The following PRKG1 variants were observed in gnomAD, a reference collection of about 807,000 sequenced individuals.
PRKG1 encodes the protein protein kinase cGMP-dependent 1.
Under a neutral mutation model 88.1 loss-of-function variants are expected in PRKG1, and 35 were observed. The observed-to-expected ratio is 0.40, with a 90% CI of 0.30 to 0.53. The LOEUF is 0.53. Among genes scored for constraint, PRKG1 ranks in the 20% least tolerant of loss-of-function variants. PRKG1 has a pLI of 0.59. For synonymous variants in PRKG1, 303 were observed against 292.5 expected (o/e 1.04, Z -0.37); for missense variants, 540 against 839.8 (o/e 0.64, Z 4.41).
At chr10:51,775,839 C>A (rs2132553501) in intron 3 of PRKG1, among the ~76,000 whole-genome samples, 1 of 152,262 alleles carries the variant, frequency 6.6e-6, no homozygotes, top group South Asian at 2.1e-4. Flanking sequence ...CAGCCTAGGC[C>A]TCCCAAAGTG....
chr10:51,388,943 G>A (rs1564472435), intron 2 of PRKG1, among the ~76,000 whole-genome samples: 2 of 152,186 alleles, frequency 1.3e-5, no homozygotes, highest in Admixed American at 1.3e-4. Context: ...GATCTAATGA[G>A]GGTCCTTTGA....
chr10:51,302,744 C>T (rs1214328757), intron 2 of PRKG1: 4 of 152,110 alleles, frequency 2.6e-5, no homozygotes, highest in Non-Finnish European at 5.9e-5. Flanking sequence ...CTATCCAGCA[C>T]TCACAATGGA....
rs183306033 is a variant in PRKG1, at chr10:51,757,304, A to G, written c.593-47281A>G. ...TTTTTAGTAGAGAGAGGGTTTCACA[A>G]TGTTGGCCAGGCTAGTCTCGAACTC... On this transcript the variant is annotated intron_variant, in intron 3 of 17. Transcript: ENST00000373980. Among the ~76,000 whole-genome samples the G allele has an allele frequency of 2.9e-3, 444 of 152,066 alleles. 3 individuals carry two copies. Among genetic ancestry groups the G allele is most frequent in the African/African-American group, 0.01 (417 of 41,482 alleles).
At chr10:51,519,628 A>G (rs1841686482) in intron 3 of PRKG1, among the ~76,000 whole-genome samples, 1 of 152,188 alleles carries the variant, frequency 6.6e-6, no homozygotes, top group South Asian at 2.1e-4. Context: ...AATGCTGCTC[A>G]TTCTCTTATT....
chr10:51,970,678 A>AATCATCTGATATATATATCAGATAT (rs1338139296), intron 5 of PRKG1, among the ~76,000 whole-genome samples: 18 of 143,244 alleles, frequency 1.3e-4, no homozygotes, highest in Admixed American at 5.8e-4. Flanking sequence ...ATACATGATT[A>AATCATCTGATATATATATCAGATAT]ATCATCTGAT....
chr10:51,555,316 A>AT (rs1220180386), intron 3 of PRKG1, among the ~76,000 whole-genome samples: 4 of 151,916 alleles, frequency 2.6e-5, no homozygotes, highest in African/African-American at 4.8e-5. Flanking sequence ...TTTTTAAAAC[A>AT]TTTTTTGGCA....
chr10:51,408,489 C>T (rs1448192836), intron 2 of PRKG1, among the ~76,000 whole-genome samples: 1 of 152,146 alleles, frequency 6.6e-6, no homozygotes, highest in Non-Finnish European at 1.5e-5. Flanking sequence ...ACAGGCAAAC[C>T]CATGCCTGGA....
chr10:51,341,771 GA>G (rs1364749353), intron 2 of PRKG1, among the ~76,000 whole-genome samples: 6 of 152,154 alleles, frequency 3.9e-5, no homozygotes, highest in African/African-American at 1.4e-4. Context: ...AATTTATAAA[GA>G]AAAGAGGTTT....
intron 7 of PRKG1, among the ~76,000 whole-genome samples, chr10:52,068,510 C>G (rs1418387171): frequency 6.6e-6 from 1 of 152,100 alleles, no homozygotes; most frequent in East Asian, 1.9e-4. Flanking sequence ...AGAAGAATTT[C>G]TTTTATCTGA....
intron 7 of PRKG1, among the ~76,000 whole-genome samples, chr10:52,072,514 A>G (rs1281395126): frequency 1.3e-5 from 2 of 152,116 alleles, no homozygotes; most frequent in Admixed American, 6.5e-5. Flanking sequence ...ACTTTTTCCT[A>G]CGGGGCAAGT....
At chr10:51,142,045 T>C (rs2131956600) in intron 1 of PRKG1, among the ~76,000 whole-genome samples, 1 of 152,258 alleles carries the variant, frequency 6.6e-6, no homozygotes, top group Admixed American at 6.5e-5. Flanking sequence ...ATAACAAATT[T>C]TGTGTACTTC....
chr10:51,799,668 A>C (rs1839115743), intron 3 of PRKG1, among the ~76,000 whole-genome samples: 1 of 151,996 alleles, frequency 6.6e-6, no homozygotes, highest in Non-Finnish European at 1.5e-5. Flanking sequence ...CTGTTTACTA[A>C]ATAGTATAAA....
At chr10:52,053,513 C>T (rs1016574753) in intron 5 of PRKG1, among the ~76,000 whole-genome samples, 14 of 152,092 alleles carry the variant, frequency 9.2e-5, no homozygotes, top group African/African-American at 3.1e-4. Flanking sequence ...TGTTTTATTT[C>T]CCAAAAATAT....
intron 4 of PRKG1, among the ~76,000 whole-genome samples, chr10:51,874,979 T>C (rs1279747878): frequency 6.6e-6 from 1 of 152,166 alleles, no homozygotes; most frequent in South Asian, 2.1e-4. Flanking sequence ...GAATCTCTGC[T>C]CTCATAAGCC....
At chr10:51,152,913 T>C (rs1846110087) in intron 1 of PRKG1, among the ~76,000 whole-genome samples, 1 of 151,602 alleles carries the variant, frequency 6.6e-6, no homozygotes, top group East Asian at 1.9e-4. Flanking sequence ...ATTTTGTTGG[T>C]TGGTTGGTTG....
intron 1 of PRKG1, among the ~76,000 whole-genome samples, chr10:51,008,615 A>G (rs1842962682): frequency 6.6e-6 from 1 of 152,096 alleles, no homozygotes; most frequent in Non-Finnish European, 1.5e-5. Flanking sequence ...CCCCTCTTGT[A>G]AGATTACTAG....
intron 3 of PRKG1, among the ~76,000 whole-genome samples, chr10:51,688,291 C>T (rs1447835335): frequency 6.6e-6 from 1 of 152,024 alleles, no homozygotes; most frequent in East Asian, 1.9e-4. Context: ...GCTGGTGCTG[C>T]TGGTCTAAGG....
chr10:52,019,089 T>G (rs750319799), intron 5 of PRKG1, among the ~76,000 whole-genome samples: 24 of 152,144 alleles, frequency 1.6e-4, no homozygotes, highest in Non-Finnish European at 2.9e-4. Flanking sequence ...AGGAGCTGCT[T>G]GTGCAAAGGC....
intron 3 of PRKG1, among the ~76,000 whole-genome samples, chr10:51,745,898 G>A (rs1837564276): frequency 6.6e-6 from 1 of 152,164 alleles, no homozygotes; most frequent in Admixed American, 6.5e-5. Flanking sequence ...AGGCTGGAGT[G>A]CAATGGCGCA....
Sources: allele counts gnomAD v4.1 joint callset (sites outside exome capture counted in the v4.1 genomes callset), GRCh38; gene constraint gnomAD v4.1.1; transcripts MANE v1.5; gene names NCBI Gene and HGNC (gene_info 2026-07-23, HGNC 2026-07-21).